CEP112: variants seen among roughly 807,000 people sequenced by gnomAD.
The protein encoded by CEP112 is centrosomal protein 112.
A neutral mutation model predicts 153.0 loss-of-function variants in CEP112; 127 were observed. The observed-to-expected ratio is 0.83, with a 90% CI of 0.72 to 0.96. The LOEUF is 0.96. Among genes scored for constraint, CEP112 ranks in the 40% least tolerant of loss-of-function variants. The probability of loss-of-function intolerance (pLI) is 0.00; values close to 1 mark genes in which losing one functional copy is unlikely to be tolerated. For synonymous variants in CEP112, 358 were observed against 374.4 expected (o/e 0.96, Z 0.51); for missense variants, 1,089 against 1,101.2 (o/e 0.99, Z 0.16).
At chr17:65,829,496 G>T (rs1384849628) in intron 21 of CEP112, among the ~76,000 whole-genome samples, 1 of 152,102 alleles carries the variant, frequency 6.6e-6, no homozygotes, top group Non-Finnish European at 1.5e-5. Context: ...ATAGGAGGCG[G>T]GAGTGTGAAA....
intron 6 of CEP112, among the ~76,000 whole-genome samples, chr17:66,119,717 T>A (rs545070755): frequency 6.6e-6 from 1 of 152,300 alleles, no homozygotes; most frequent in South Asian, 2.1e-4. Flanking sequence ...CATATAAAGT[T>A]TTTGTGTGAA....
At chr17:65,669,712 G>A (rs545268086) in intron 24 of CEP112, among the ~76,000 whole-genome samples, 7 of 152,198 alleles carry the variant, frequency 4.6e-5, no homozygotes, top group South Asian at 4.2e-4. Flanking sequence ...GACCATCCTG[G>A]CTAACACGGT....
chr17:65,738,225 G>A (rs2050916505), intron 23 of CEP112, among the ~76,000 whole-genome samples: 1 of 152,170 alleles, frequency 6.6e-6, no homozygotes, highest in South Asian at 2.1e-4. Context: ...AATATAGCAT[G>A]AGAATTAAAC....
At chr17:65,809,362 T>C (rs540126082) in intron 21 of CEP112, among the ~76,000 whole-genome samples, 3 of 152,348 alleles carry the variant, frequency 2.0e-5, no homozygotes, top group East Asian at 1.9e-4. Flanking sequence ...TGGAATTATA[T>C]AATCTCATTT....
At chr17:66,070,805 T>C (rs557738666) in intron 8 of CEP112, among the ~76,000 whole-genome samples, 1 of 152,152 alleles carries the variant, frequency 6.6e-6, no homozygotes, top group Non-Finnish European at 1.5e-5. Flanking sequence ...GTGTTATACA[T>C]TGGAGTCTGG....
At chr17:65,752,577 T>G (rs1314928578) in intron 21 of CEP112, among the ~76,000 whole-genome samples, 1 of 152,172 alleles carries the variant, frequency 6.6e-6, no homozygotes, top group Non-Finnish European at 1.5e-5. Context: ...AAACCAGGGA[T>G]AGGGATGGGG....
intron 21 of CEP112, among the ~76,000 whole-genome samples, chr17:65,801,773 C>T (rs777244857): frequency 1.3e-5 from 2 of 152,120 alleles, no homozygotes; most frequent in South Asian, 2.1e-4. Context: ...TATTTTAGTT[C>T]TTTGAACATA....
chr17:66,136,049 A>G (rs73992250), intron 4 of CEP112, among the ~76,000 whole-genome samples: 8,843 of 152,208 alleles, frequency 0.058, 272 homozygotes, highest in East Asian at 0.072. Flanking sequence ...AGGCTCCTGT[A>G]CTCCAGGCAA....
At chr17:65,664,808 G>A (rs2046605622) in intron 24 of CEP112, among the ~76,000 whole-genome samples, 2 of 152,162 alleles carry the variant, frequency 1.3e-5, no homozygotes, top group Non-Finnish European at 2.9e-5. Flanking sequence ...AGCTCAGGCT[G>A]CTATAACAAA....
chr17:66,054,327 A>G (rs1016742047), intron 11 of CEP112, among the ~76,000 whole-genome samples: 5 of 152,210 alleles, frequency 3.3e-5, no homozygotes, highest in African/African-American at 7.2e-5. Flanking sequence ...TTTCTCCCCT[A>G]CCTGCACCTC....
At chr17:65,679,824 G>A (rs2047425976) in intron 24 of CEP112, among the ~76,000 whole-genome samples, 1 of 152,170 alleles carries the variant, frequency 6.6e-6, no homozygotes, top group Non-Finnish European at 1.5e-5. Context: ...ACTGGGCATT[G>A]TGGGAGGCAA....
At chr17:65,877,864 C>A (rs548646660) in intron 20 of CEP112, among the ~76,000 whole-genome samples, 1 of 152,084 alleles carries the variant, frequency 6.6e-6, no homozygotes, top group East Asian at 1.9e-4. Context: ...TATTATTCAC[C>A]CTTAAATTTC....
At chr17:65,954,026 C>A (rs1430811764) in intron 18 of CEP112, among the ~76,000 whole-genome samples, 2 of 152,208 alleles carry the variant, frequency 1.3e-5, no homozygotes, top group African/African-American at 4.8e-5. Flanking sequence ...GTGCCACCTC[C>A]CGGCTGGAGG....
chr17:65,744,831 G>A (rs949731885), intron 22 of CEP112, among the ~76,000 whole-genome samples: 2 of 152,180 alleles, frequency 1.3e-5, no homozygotes, highest in African/African-American at 4.8e-5. Flanking sequence ...AAATTCAATA[G>A]TGATGACTTT....
chr17:66,082,260 G>A (rs754681827), intron 8 of CEP112, among the ~76,000 whole-genome samples: 5 of 152,088 alleles, frequency 3.3e-5, no homozygotes, highest in South Asian at 2.1e-4. Flanking sequence ...AGAAAGACCC[G>A]TTGCTTGATG....
At chr17:66,171,220 C>T (rs146502591) in intron 4 of CEP112, among the ~76,000 whole-genome samples, 2 of 152,210 alleles carry the variant, frequency 1.3e-5, no homozygotes, top group African/African-American at 4.8e-5. Context: ...CAAACAGCAT[C>T]ATCTAAAATG....
intron 2 of CEP112, among the ~76,000 whole-genome samples, chr17:66,177,840 C>CA (rs2072552102): frequency 6.6e-6 from 1 of 152,112 alleles, no homozygotes; most frequent in African/African-American, 2.4e-5. Flanking sequence ...CAGCTTATTT[C>CA]ACTTAACATA....
intron 18 of CEP112, among the ~76,000 whole-genome samples, chr17:65,934,162 C>T (rs988126379): frequency 6.6e-6 from 1 of 151,936 alleles, no homozygotes; most frequent in African/African-American, 2.4e-5. Flanking sequence ...GCACTACAGC[C>T]TGGGTGACAG....
intron 17 of CEP112, among the ~76,000 whole-genome samples, chr17:66,003,458 T>G (rs1192805419): frequency 6.6e-6 from 1 of 152,222 alleles, no homozygotes; most frequent in Admixed American, 6.5e-5. Flanking sequence ...GCTGTTATGG[T>G]CAACAAGTTA....
Sources: gnomAD v4.1 joint callset for allele counts (sites outside exome capture counted in the v4.1 genomes callset) on GRCh38, gnomAD v4.1.1 for gene constraint, MANE v1.5 for transcripts, NCBI Gene and HGNC (gene_info 2026-07-23, HGNC 2026-07-21) for gene names.